NCKAP1: variants seen among roughly 807,000 people sequenced by gnomAD.
NCKAP1 encodes NCK associated protein 1, also known as nck-associated protein 1.
Under a neutral mutation model 151.2 loss-of-function variants are expected in NCKAP1, and 21 were observed. The observed-to-expected ratio is 0.14, with a 90% CI of 0.10 to 0.20. The LOEUF is 0.20. NCKAP1 is among the 10% of genes least tolerant of loss of function. The pLI is 1.00. For synonymous variants in NCKAP1, 484 were observed against 451.8 expected (o/e 1.07, Z -0.90); for missense variants, 933 against 1,352.1 (o/e 0.69, Z 4.86).
rs1295531596 is a variant in NCKAP1 at position 182,912,001 on chromosome 2, C to T, written c.*13701G>A. The stretch of plus-strand genomic sequence containing the variant: ...GTTGGAGTAGGAAATGCAAACAAAT[C>T]GGCAAATGGACTTAGCCCTTGAAAG... On this transcript the variant is annotated 3_prime_UTR_variant, in exon 31 of 31. Transcript: ENST00000361354. 1 of 152,236 alleles carries T rather than the reference C, an allele frequency of 6.6e-6. No homozygotes were observed. Among genetic ancestry groups the T allele is most frequent in the African/African-American group, 2.4e-5 (1 of 41,554 alleles). 9.4% of individuals were successfully genotyped at this position (152,236 alleles called of 1,614,324 possible). A position where few individuals can be genotyped will look rare whatever the true frequency, so the allele number is the denominator to read the frequency against.
chr2:182,943,605 G>A (rs993389598), intron 23 of NCKAP1, among the ~76,000 whole-genome samples: 8 of 150,918 alleles, frequency 5.3e-5, no homozygotes, highest in African/African-American at 1.7e-4. Context: ...CAACACCATC[G>A]AATTTAAAAT....
At chr2:182,952,691 G>A (rs1351457036) in intron 22 of NCKAP1, 102 bp downstream of exon 22, 2 of 1,291,430 alleles carry the variant, frequency 1.5e-6, no homozygotes, top group Non-Finnish European at 2.1e-6. Flanking sequence ...GCATATAATT[G>A]AATGAAATAG....
At chr2:182,985,257 C>A (rs187023608) in intron 10 of NCKAP1, among the ~76,000 whole-genome samples, 41 of 152,282 alleles carry the variant, frequency 2.7e-4, no homozygotes, top group Middle Eastern at 3.4e-3. Flanking sequence ...TGCTTGTCTT[C>A]TCTCTGCCTT....
At chr2:183,027,121 C>G (rs750872394) in intron 1 of NCKAP1, among the ~76,000 whole-genome samples, 1 of 152,144 alleles carries the variant, frequency 6.6e-6, no homozygotes, top group African/African-American at 2.4e-5. Flanking sequence ...TGTTAAGAAC[C>G]TGAGTTTCAA....
intron 18 of NCKAP1, among the ~76,000 whole-genome samples, chr2:182,958,962 A>G: frequency 6.6e-6 from 1 of 152,240 alleles, no homozygotes; most frequent in Non-Finnish European, 1.5e-5. Flanking sequence ...ACATGCTGAC[A>G]TAATAACATT....
At chr2:182,965,777 C>A (rs577522025) in intron 16 of NCKAP1, among the ~76,000 whole-genome samples, 1 of 152,122 alleles carries the variant, frequency 6.6e-6, no homozygotes, top group South Asian at 2.1e-4. Context: ...GGAATAGGAT[C>A]CTTTGCATAG....
rs992936980 is a variant in NCKAP1, at chr2:183,038,391, G to A, written c.-292C>T. 8.3e-6 allele frequency: 2 copies of A among 241,286 alleles called. No homozygotes were observed. The highest frequency in any genetic ancestry group is 1.5e-5 in the Non-Finnish European group (2 of 129,284). 14.9% of individuals were successfully genotyped at this position (241,286 alleles called of 1,614,324 possible). On this transcript the variant is annotated 5_prime_UTR_variant, in exon 1 of 31. Coordinates refer to ENST00000361354, the MANE Select transcript of NCKAP1 (RefSeq NM_013436.5). ...TCTCCGCCCCAGCCCCCAACGAGCC[G>A]CCTTCCCCGGCTGCTCCACTAGGTG...
intron 24 of NCKAP1, among the ~76,000 whole-genome samples, chr2:182,938,801 G>T (rs1336912415): frequency 1.3e-5 from 2 of 152,162 alleles, no homozygotes; most frequent in African/African-American, 2.4e-5. Flanking sequence ...GTCCAGAATG[G>T]ATAAAATATG....
intron 2 of NCKAP1, among the ~76,000 whole-genome samples, chr2:183,022,320 A>C (rs1311087419): frequency 2.0e-5 from 3 of 152,218 alleles, no homozygotes; most frequent in African/African-American, 7.2e-5. Flanking sequence ...TTTCATAACA[A>C]AATCTCTCTT....
chr2:182,938,895 G>A (rs537347876), intron 24 of NCKAP1, among the ~76,000 whole-genome samples: 3 of 152,344 alleles, frequency 2.0e-5, no homozygotes, highest in Admixed American at 6.5e-5. Flanking sequence ...AGGTGTAAAG[G>A]AATGGGAGAG....
chr2:182,953,910 A>C (rs889365306), intron 20 of NCKAP1, among the ~76,000 whole-genome samples: 2 of 152,232 alleles, frequency 1.3e-5, no homozygotes, highest in Non-Finnish European at 2.9e-5. Flanking sequence ...AGGGTTTTAC[A>C]AATTGCTTTA....
At chr2:183,002,314 A>C (rs750843260) in intron 4 of NCKAP1, 45 bp from the exon 5 acceptor site, 8 of 1,294,872 alleles carry the variant, frequency 6.2e-6, no homozygotes, top group Non-Finnish European at 6.4e-6. Context: ...TATTTCTTAA[A>C]ATTTTAAACA....
chr2:182,927,790 T>C (rs755718701), intron 29 of NCKAP1, among the ~76,000 whole-genome samples: 1 of 151,970 alleles, frequency 6.6e-6, no homozygotes, highest in Non-Finnish European at 1.5e-5. Flanking sequence ...TCTAGGGCAG[T>C]CCAAACATCA....
Position 183,025,650 on chromosome 2 carries a change from C to T in NCKAP1, c.109-1734G>A, listed in dbSNP as rs1698880932. 2.0e-5 allele frequency among the ~76,000 whole-genome samples: 3 copies of T among 151,900 alleles called. No individual in the cohort carries two copies. In the South Asian group the frequency reaches 6.2e-4, roughly 32 times the overall value. ...AACATCATAAATATTAAAATATATC[C>T]AACTTTCTTTGAGTAGACTATCATT... On this transcript the variant is annotated intron_variant, in intron 1 of 30. Coordinates refer to ENST00000361354, the MANE Select transcript of NCKAP1 (RefSeq NM_013436.5).
chr2:182,912,916 G>A lies in NCKAP1; in HGVS notation c.*12786C>T, dbSNP rs1027978965. 2 of 122,894 alleles carry A rather than the reference G, an allele frequency of 1.6e-5. No individual in the cohort carries two copies. The highest frequency in any genetic ancestry group is 5.2e-5 in the African/African-American group (2 of 38,310). The allele number at this position is 122,894 out of a possible 1,614,324, so 7.6% of individuals were successfully genotyped here. A position where few individuals can be genotyped will look rare whatever the true frequency, so the allele number is the denominator to read the frequency against. On this transcript the variant is annotated 3_prime_UTR_variant, in exon 31 of 31. Transcript: ENST00000361354. ...ATTCAGCCAGATGAACTTTAGTTAA[G>A]TGCAATTTATGTTTTTGCTAATGGC...
chr2:182,996,022 C>T (rs758085766), intron 6 of NCKAP1, among the ~76,000 whole-genome samples, 184 bp from the exon 7 acceptor site: 4 of 152,114 alleles, frequency 2.6e-5, no homozygotes, highest in East Asian at 1.9e-4. Flanking sequence ...TTTTTGCTAA[C>T]GTTATAAAAG....
chr2:182,997,775 T>C (rs1036835041), intron 6 of NCKAP1, among the ~76,000 whole-genome samples: 2 of 152,186 alleles, frequency 1.3e-5, no homozygotes, highest in Admixed American at 1.3e-4. Context: ...CATACAATCC[T>C]ATTGAAACTA....
At position 182,925,684 on chromosome 2, in the gene NCKAP1, T is replaced by C. The variant is rs1277006945; in HGVS notation, c.*18A>G. ...AAGGCAACAAAAATGCGTGCTTATC[T>C]TGATTAAGTAGGTAATTTTATGCAG... On this transcript the variant is annotated 3_prime_UTR_variant, in exon 31 of 31. Coordinates refer to ENST00000361354, the MANE Select transcript of NCKAP1 (RefSeq NM_013436.5). 5 of 1,453,878 alleles carry C rather than the reference T, an allele frequency of 3.4e-6. No individual in the cohort carries two copies. Among genetic ancestry groups the C allele is most frequent in the Non-Finnish European group, 3.7e-6 (4 of 1,068,972 alleles). 90.1% of individuals were successfully genotyped at this position (1,453,878 alleles called of 1,614,324 possible). A position where few individuals can be genotyped will look rare whatever the true frequency, so the allele number is the denominator to read the frequency against.
intron 8 of NCKAP1, among the ~76,000 whole-genome samples, chr2:182,989,520 A>C (rs557425701): frequency 6.6e-6 from 1 of 152,310 alleles, no homozygotes; most frequent in South Asian, 2.1e-4. Flanking sequence ...TAATGCAGTA[A>C]TCATTACAGT....
Sources: gnomAD v4.1 joint callset for allele counts (sites outside exome capture counted in the v4.1 genomes callset) on GRCh38, gnomAD v4.1.1 for gene constraint, MANE v1.5 for transcripts, NCBI Gene and HGNC (gene_info 2026-07-23, HGNC 2026-07-21) for gene names.